Variants in DISC1 observed in about 807,000 individuals in gnomAD.
DISC1 encodes the protein disrupted in schizophrenia 1 protein.
A neutral mutation model predicts 84.5 loss-of-function variants in DISC1; 57 were observed. The observed-to-expected ratio is 0.67, with a 90% confidence interval of 0.55 to 0.84. The LOEUF (loss-of-function observed/expected upper bound fraction) is 0.84, where lower values mean the gene tolerates loss of function less well. Ranked by LOEUF, DISC1 falls within the 40% of genes least tolerant of loss-of-function variation. DISC1 has a pLI of 0.00. For missense variants in DISC1, 1,000 were observed against 1,057.8 expected, an observed-to-expected ratio of 0.95 and a Z score of 0.76; for synonymous variants, 411 against 415.2, an observed-to-expected ratio of 0.99 and a Z score of 0.12.
At chr1:232,015,942 C>T (rs1472655327) in intron 11 of DISC1, among the ~76,000 whole-genome samples, 1 of 152,108 alleles carries the variant, frequency 6.6e-6, no homozygotes, top group Non-Finnish European at 1.5e-5. Context: ...CTCAGGCCAA[C>T]AAGCTTGGGT....
At chr1:231,718,495 G>A (rs1274709046) in intron 3 of DISC1, among the ~76,000 whole-genome samples, 2 of 149,978 alleles carry the variant, frequency 1.3e-5, no homozygotes, top group Non-Finnish European at 3.0e-5. Context: ...GGAGTGCAAT[G>A]GTGCAATCTT....
chr1:231,674,659 T>C (rs912295784), intron 1 of DISC1, among the ~76,000 whole-genome samples: 1 of 152,242 alleles, frequency 6.6e-6, no homozygotes, highest in Non-Finnish European at 1.5e-5. Context: ...GAAGCACTTG[T>C]TGGGTACACA....
At chr1:231,640,881 T>C (rs527818872) in intron 1 of DISC1, among the ~76,000 whole-genome samples, 1 of 152,224 alleles carries the variant, frequency 6.6e-6, no homozygotes, top group Admixed American at 6.5e-5. Context: ...ATTCTCCTGG[T>C]TGACTTACAC....
chr1:231,662,238 C>T (rs1463859597), intron 1 of DISC1, among the ~76,000 whole-genome samples: 1 of 152,206 alleles, frequency 6.6e-6, no homozygotes, highest in Non-Finnish European at 1.5e-5. Flanking sequence ...GTATCAGGGA[C>T]CCATTTAAAG....
At chr1:232,021,837 G>A (rs143185168) in intron 11 of DISC1, among the ~76,000 whole-genome samples, 1 of 152,318 alleles carries the variant, frequency 6.6e-6, no homozygotes, top group Non-Finnish European at 1.5e-5. Context: ...CAATGTCTGG[G>A]TGTTAGCTGA....
At chr1:231,644,170 A>G (rs2059949725) in intron 1 of DISC1, among the ~76,000 whole-genome samples, 1 of 152,136 alleles carries the variant, frequency 6.6e-6, no homozygotes, top group South Asian at 2.1e-4. Flanking sequence ...CAGAGGAGCA[A>G]TTTTGCTATT....
intron 10 of DISC1, 23 bp from the exon 11 acceptor site, chr1:232,008,762 C>T (rs1407664615): frequency 6.5e-7 from 1 of 1,529,078 alleles, no homozygotes; most frequent in South Asian, 1.3e-5. Context: ...CATTTTTATG[C>T]CTTTGTTTCC....
chr1:232,011,914 T>C (rs1668051540), intron 11 of DISC1, among the ~76,000 whole-genome samples: 1 of 152,212 alleles, frequency 6.6e-6, no homozygotes, highest in South Asian at 2.1e-4. Flanking sequence ...GAGTCTGCCG[T>C]GATCCTCAGT....
At chr1:231,782,865 A>C (rs1039705318) in intron 6 of DISC1, among the ~76,000 whole-genome samples, 2 of 152,002 alleles carry the variant, frequency 1.3e-5, no homozygotes, top group Non-Finnish European at 2.9e-5. Context: ...TCACTTGAAC[A>C]TGGGAGGTGG....
Position 232,039,326 on chromosome 1 carries a change from T to C in DISC1, c.*2495T>C, listed in dbSNP as rs774622472. The C allele has an allele frequency of 5.3e-5, 8 of 152,224 alleles. No homozygotes were observed. The highest frequency in any genetic ancestry group is 4.6e-4 in the Admixed American group (7 of 15,288). The allele number at this position is 152,224 out of a possible 1,614,324, so 9.4% of individuals were successfully genotyped here. A position where few individuals can be genotyped will look rare whatever the true frequency, so the allele number is the denominator to read the frequency against. ...TTAACCGTCACTAGCCCAAGTGTTT[T>C]GTATTACTCAGACACCATCATGAAA... On this transcript the variant is annotated 3_prime_UTR_variant, in exon 13 of 13. Coordinates refer to ENST00000439617, the MANE Select transcript of DISC1 (RefSeq NM_018662.3).
chr1:231,975,842 G>A (rs1216415155), intron 10 of DISC1, among the ~76,000 whole-genome samples: 1 of 152,072 alleles, frequency 6.6e-6, no homozygotes, highest in East Asian at 1.9e-4. Flanking sequence ...AGAGTGAGAG[G>A]GGGTGGATGA....
chr1:231,944,051 A>C (rs1171577250), intron 9 of DISC1: 1 of 152,206 alleles, frequency 6.6e-6, no homozygotes, highest in African/African-American at 2.4e-5. Context: ...ATGATTAATG[A>C]TTAGGAGACC....
chr1:231,818,956 T>A lies in DISC1; in HGVS notation c.1981+439T>A, dbSNP rs1255351312. 5.0e-6 allele frequency: 5 copies of A among 1,001,780 alleles called. No homozygotes were observed. In the East Asian group the frequency reaches 5.2e-4, roughly 104 times the overall value. The allele number at this position is 1,001,780 out of a possible 1,614,324, so 62.1% of individuals were successfully genotyped here. On this transcript the variant is annotated intron_variant, in intron 9 of 12. Coordinates refer to ENST00000439617, the MANE Select transcript of DISC1 (RefSeq NM_018662.3). ...TGGCTCTTCTATGTGTGGACTTTTC[T>A]GAGAGCTTCTTTCCCCAGGAAGGAT...
At chr1:232,026,777 T>C (rs1288022565) in intron 12 of DISC1, among the ~76,000 whole-genome samples, 2 of 145,352 alleles carry the variant, frequency 1.4e-5, no homozygotes, top group Non-Finnish European at 3.0e-5. Context: ...TTTTTTTTTT[T>C]TTTTTTTGAT....
intron 1 of DISC1, among the ~76,000 whole-genome samples, chr1:231,655,109 A>T (rs1184946413): frequency 6.6e-6 from 1 of 152,168 alleles, no homozygotes. Context: ...TTCTTTTTTT[A>T]AAAAAGTATT....
At chr1:231,817,039 G>C (rs1188867205) in intron 8 of DISC1, among the ~76,000 whole-genome samples, 1 of 151,706 alleles carries the variant, frequency 6.6e-6, no homozygotes, top group Non-Finnish European at 1.5e-5. Flanking sequence ...CTGTTCAAAA[G>C]TGCAATCATA....
At chr1:231,832,353 A>G (rs1359372848) in intron 9 of DISC1, among the ~76,000 whole-genome samples, 1 of 151,426 alleles carries the variant, frequency 6.6e-6, no homozygotes, top group Non-Finnish European at 1.5e-5. Flanking sequence ...CAGAAAGGCT[A>G]CAGGGTGCGG....
rs1045439143 is a variant in DISC1 at position 231,718,306 on chromosome 1, G to A, written c.1117+16282G>A. ...TTGCTTTTCTACTTCATCTCTCTGC[G>A]TGACTAATGTCACTATCAGGACAAA... On this transcript the variant is annotated intron_variant, in intron 3 of 12. Coordinates refer to ENST00000439617, the MANE Select transcript of DISC1 (RefSeq NM_018662.3). Among the ~76,000 whole-genome samples the A allele has an allele frequency of 3.3e-5, 5 of 152,080 alleles. No individual in the cohort carries two copies. In the East Asian group the frequency reaches 5.8e-4, roughly 18 times the overall value.
chr1:231,629,105 C>T (rs897448002), intron 1 of DISC1, among the ~76,000 whole-genome samples: 2 of 152,186 alleles, frequency 1.3e-5, no homozygotes, highest in Admixed American at 1.3e-4. Flanking sequence ...GAGGCTTTGG[C>T]ATAATTTTAA....
Sources: gnomAD v4.1 joint callset for allele counts (sites outside exome capture counted in the v4.1 genomes callset) on GRCh38, gnomAD v4.1.1 for gene constraint, MANE v1.5 for transcripts, NCBI Gene and HGNC (gene_info 2026-07-23, HGNC 2026-07-21) for gene names.